Variants in PRDM9 observed in about 807,000 individuals in gnomAD.
PRDM9 encodes the protein histone-lysine N-methyltransferase PRDM9.
In PRDM9, 47 loss-of-function variants were observed where a neutral mutation model predicts 55.6. The observed-to-expected ratio is 0.85, with a 90% CI of 0.67 to 1.08. The LOEUF (loss-of-function observed/expected upper bound fraction) is 1.08. Ranked by LOEUF, PRDM9 falls within the 50% of genes least tolerant of loss-of-function variation. The pLI is 0.00. For synonymous variants in PRDM9, 312 were observed against 375.7 expected (o/e 0.83, Z 1.96); for missense variants, 867 against 1,040.3 (o/e 0.83, Z 2.29).
At chr5:23,511,023 G>C (rs1407782173) in intron 4 of PRDM9, among the ~76,000 whole-genome samples, 1 of 151,628 alleles carries the variant, frequency 6.6e-6, no homozygotes, top group African/African-American at 2.4e-5. Context: ...GGGTGTGGTG[G>C]TGGGTGCCTA....
intron 4 of PRDM9, 115 bp downstream of exon 4, chr5:23,510,142 CCT>C (rs1252956719): frequency 4.8e-6 from 5 of 1,052,204 alleles, no homozygotes; most frequent in Non-Finnish European, 7.0e-6. Flanking sequence ...GCAATCTCCA[CCT>C]CCCAGGTTCA....
intron 5 of PRDM9, among the ~76,000 whole-genome samples, chr5:23,519,491 C>A (rs1165567278): frequency 1.3e-5 from 2 of 152,052 alleles, no homozygotes; most frequent in African/African-American, 4.8e-5. Flanking sequence ...GCCTCAGCCT[C>A]CCAAGTAGCT....
At chr5:23,516,340 A>AT (rs1739208711) in intron 4 of PRDM9, among the ~76,000 whole-genome samples, 1 of 152,068 alleles carries the variant, frequency 6.6e-6, no homozygotes. Flanking sequence ...AACACAACTG[A>AT]TTTGGGGTGT....
chr5:23,510,158 G>T (rs561496513), intron 4 of PRDM9, 131 bp downstream of exon 4: 2 of 893,840 alleles, frequency 2.2e-6, no homozygotes, highest in Non-Finnish European at 3.4e-6. Context: ...AGGTTCAAGC[G>T]ATTCTCCTGC....
chr5:23,508,198 T>A (rs1227330404), intron 1 of PRDM9, among the ~76,000 whole-genome samples: 1 of 152,012 alleles, frequency 6.6e-6, no homozygotes, highest in African/African-American at 2.4e-5. Context: ...TCAAATCCTT[T>A]CATCCTGAGG....
rs1356621782 is a variant in PRDM9 at position 23,526,473 on chromosome 5, T to G, written c.1385T>G (p.Leu462Arg). ...CAAGAGATCAAAGAAAGGTCCAAAC[T>G]CTTGAATAAAAGGACATGGCAGAGG... ...KGQEIKERSKLLNKRTWQREI... is the reference protein window; with the variant it reads ...KGQEIKERSKRLNKRTWQREI... The change falls in exon 11 of 11, where the codon CTC (leucine) becomes CGC (arginine). Residue 462 changes from leucine (L) to arginine (R), a missense_variant. Coordinates refer to ENST00000296682, the MANE Select transcript of PRDM9 (RefSeq NM_020227.4). 1 of 1,613,986 alleles carries G rather than the reference T, an allele frequency of 6.2e-7. No homozygotes were observed. The highest frequency in any genetic ancestry group is 8.5e-7 in the Non-Finnish European group (1 of 1,179,990).
intron 1 of PRDM9, among the ~76,000 whole-genome samples, chr5:23,508,107 T>G (rs1415691518): frequency 6.6e-5 from 10 of 151,976 alleles, no homozygotes; most frequent in Admixed American, 6.5e-4. Flanking sequence ...ATAACCTCAG[T>G]GTCAAAGACC....
chr5:23,510,245 G>A (rs1739067904), intron 4 of PRDM9, among the ~76,000 whole-genome samples: 1 of 151,850 alleles, frequency 6.6e-6, no homozygotes, highest in African/African-American at 2.4e-5. Flanking sequence ...TTTTTTAGTA[G>A]AGATGGGGTT....
chr5:23,526,163 A>C, intron 10 of PRDM9, 70 bp from the exon 11 acceptor site: 1 of 1,501,002 alleles, frequency 6.7e-7, no homozygotes, highest in Non-Finnish European at 9.3e-7. Flanking sequence ...TCTTCATTTG[A>C]TCTTCATACC....
intron 10 of PRDM9, among the ~76,000 whole-genome samples, chr5:23,525,754 C>G (rs1229072408): frequency 6.6e-6 from 1 of 152,144 alleles, no homozygotes. Context: ...TCCTTTTCCC[C>G]TCTTAGGAAA....
At chr5:23,510,897 G>T (rs1455149498) in intron 4 of PRDM9, among the ~76,000 whole-genome samples, 1 of 151,556 alleles carries the variant, frequency 6.6e-6, no homozygotes, top group Non-Finnish European at 1.5e-5. Flanking sequence ...TGTAATCCCA[G>T]CACTTTGGGA....
At chr5:23,522,591 A>G in intron 7 of PRDM9, 23 bp from the exon 8 acceptor site, 2 of 1,614,218 alleles carry the variant, frequency 1.2e-6, no homozygotes, top group Non-Finnish European at 1.7e-6. Flanking sequence ...AACTTTCCTA[A>G]TCTCTGCTTC....
intron 5 of PRDM9, among the ~76,000 whole-genome samples, chr5:23,519,835 G>C (rs1239456213): frequency 6.6e-6 from 1 of 151,910 alleles, no homozygotes; most frequent in African/African-American, 2.4e-5. Context: ...CCCGAAGTCA[G>C]GAGTTCGAGA....
At chr5:23,510,893 C>T (rs1314321469) in intron 4 of PRDM9, among the ~76,000 whole-genome samples, 1 of 151,710 alleles carries the variant, frequency 6.6e-6, no homozygotes, top group African/African-American at 2.4e-5. Context: ...CACCTGTAAT[C>T]CCAGCACTTT....
At position 23,526,671 on chromosome 5, in the gene PRDM9, A is replaced by G. The variant is rs1739444355; in HGVS notation, c.1583A>G (p.Glu528Gly). The G allele has an allele frequency of 6.2e-7, 1 of 1,614,146 alleles. No individual in the cohort carries two copies. Among genetic ancestry groups the G allele is most frequent in the South Asian group, 1.1e-5 (1 of 91,090 alleles). ...AGAATTGCAAAAGTCAAGTATGGAGAGTGTGGACAAGGTTTCAGTGTTAAA... is the reference window on the plus strand; with the variant it reads ...AGAATTGCAAAAGTCAAGTATGGAGGGTGTGGACAAGGTTTCAGTGTTAAA... ...ISRIAKVKYG[E>G]CGQGFSVKSD... Residue 528 changes from glutamate (E) to glycine (G), a missense_variant, in exon 11 of 11, where the codon GAG becomes GGG. Around this residue, in one of 5 missense-constraint regions of PRDM9, gnomAD observed 662 missense variants for 711.9 expected, o/e 0.93. Coordinates refer to ENST00000296682, the MANE Select transcript of PRDM9 (RefSeq NM_020227.4).
Position 23,522,755 on chromosome 5 carries a change from C to T in PRDM9, c.752C>T (p.Ser251Leu). 1.2e-6 allele frequency: 2 copies of T among 1,614,222 alleles called. No homozygotes were observed. The highest frequency in any genetic ancestry group is 8.5e-7 in the Non-Finnish European group (1 of 1,180,050). Reference sequence around the variant, plus strand: ...CCCCCAGGGCTGAGAATTGGGCCATCAGGCATCCCTCAGGCTGGGCTTGGA... The same window carrying T: ...CCCCCAGGGCTGAGAATTGGGCCATTAGGCATCCCTCAGGCTGGGCTTGGA... ...SLPPGLRIGPSGIPQAGLGVW... is the reference protein window; with the variant it reads ...SLPPGLRIGPLGIPQAGLGVW... The change falls in exon 8 of 11, where the codon TCA becomes TTA. Residue 251 changes from serine to leucine, a missense_variant. Coordinates refer to ENST00000296682, the MANE Select transcript of PRDM9 (RefSeq NM_020227.4).
intron 4 of PRDM9, among the ~76,000 whole-genome samples, chr5:23,517,084 C>T (rs184527872): frequency 0.085 from 12,397 of 145,840 alleles, 799 homozygotes; most frequent in African/African-American, 0.19. Context: ...ACCCACGAGG[C>T]GGAGCTTGCA....
Position 23,527,661 on chromosome 5 carries a change from A to G in PRDM9, c.2573A>G (p.Lys858Arg). 1 of 1,519,860 alleles carries G rather than the reference A, an allele frequency of 6.6e-7. No individual in the cohort carries two copies. The highest frequency in any genetic ancestry group is 8.9e-7 in the Non-Finnish European group (1 of 1,125,196). The allele number at this position is 1,519,860 out of a possible 1,614,324, so 94.1% of individuals were successfully genotyped here. The part of the protein sequence containing the change: ...LRHQRTHTGE[K>R]PYVCRECGRG... ...CACCAGAGGACACACACAGGGGAGAAGCCCTACGTCTGCAGGGAGTGTGGG... is the reference window on the plus strand; with the variant it reads ...CACCAGAGGACACACACAGGGGAGAGGCCCTACGTCTGCAGGGAGTGTGGG... Residue 858 changes from lysine to arginine, a missense_variant, in exon 11 of 11, where the codon AAG becomes AGG. This residue lies in a region of PRDM9 where 86 missense variants were observed against 73.6 expected (regional missense o/e 1.17). Transcript: ENST00000296682.
chr5:23,521,482 C>T (rs781323164), intron 6 of PRDM9, among the ~76,000 whole-genome samples: 2 of 152,110 alleles, frequency 1.3e-5, no homozygotes, highest in South Asian at 2.1e-4. Flanking sequence ...GGATTATAGG[C>T]GTGCGCCACT....
Sources: gnomAD v4.1 joint callset for allele counts (sites outside exome capture counted in the v4.1 genomes callset) on GRCh38, gnomAD v4.1.1 for gene constraint, gnomAD v4.1.1 regional missense constraint, MANE v1.5 for transcripts, NCBI Gene and HGNC (gene_info 2026-07-23, HGNC 2026-07-21) for gene names.